CACNA1I: variants seen among roughly 807,000 people sequenced by gnomAD.
The protein encoded by CACNA1I is calcium voltage-gated channel subunit alpha1 I, also known as voltage-dependent T-type calcium channel subunit alpha-1I.
CACNA1I carries 74 observed loss-of-function variants against 201.6 expected under a neutral mutation model. The ratio of observed to expected loss-of-function variants is 0.37; its 90% confidence interval spans 0.30 to 0.45. The LOEUF is 0.45. Among genes scored for constraint, CACNA1I ranks in the 20% least tolerant of loss-of-function variants. The pLI, the probability that CACNA1I is intolerant of heterozygous loss-of-function variation, is 1.00. For missense variants in CACNA1I, 2,346 were observed against 3,138.1 expected (o/e 0.75, Z 6.03); for synonymous variants, 1,431 against 1,345.2 (o/e 1.06, Z -1.40).
Position 39,662,429 on chromosome 22 carries a change from C to G in CACNA1I, c.3366C>G (p.Ile1122Met). Residue 1122 changes from isoleucine (I) to methionine (M), a missense_variant, in exon 17 of 37, where the codon ATC (isoleucine) becomes ATG (methionine). Coordinates refer to ENST00000402142, the MANE Select transcript of CACNA1I (RefSeq NM_021096.4). Reference protein sequence around the residue: ...RGDRGEDEEEIDYTLCFRVRK... With the variant: ...RGDRGEDEEEMDYTLCFRVRK... ...ATCGCGGGGAGGATGAGGAGGAAAT[C>G]GACTACGTGAGTGGGGGCGGGGCCG... 1 of 1,443,336 alleles carries G rather than the reference C, an allele frequency of 6.9e-7. No individual in the cohort carries two copies. Among genetic ancestry groups the G allele is most frequent in the Non-Finnish European group, 9.0e-7 (1 of 1,107,700 alleles). 89.4% of individuals were successfully genotyped at this position (1,443,336 alleles called of 1,614,324 possible). A position where few individuals can be genotyped will look rare whatever the true frequency, so the allele number is the denominator to read the frequency against.
At chr22:39,623,613 G>T (rs1398160101) in intron 4 of CACNA1I, among the ~76,000 whole-genome samples, 1 of 148,216 alleles carries the variant, frequency 6.7e-6, no homozygotes, top group Non-Finnish European at 1.5e-5. Context: ...TGCCTGTGAG[G>T]GTGTGTGTGC....
chr22:39,663,716 A>AC lies in CACNA1I; in HGVS notation c.3474-2_3474-1insC. The AC allele has an allele frequency of 1.6e-6, 1 of 626,212 alleles. No homozygotes were observed. The highest frequency in any genetic ancestry group is 2.9e-6 in the Non-Finnish European group (1 of 348,972). The allele number at this position is 626,212 out of a possible 1,614,324, so 38.8% of individuals were successfully genotyped here. On this transcript the variant is annotated splice_acceptor_variant, in intron 18 of 36. Coordinates refer to ENST00000402142, the MANE Select transcript of CACNA1I (RefSeq NM_021096.4). LOFTEE classifies it high-confidence loss of function. ...CAGGCAGCCCCCGCCCACCCTGCCCAGGTTCCGGGTCCTGTGTCAGACCAT... is the reference window on the plus strand; with the variant it reads ...CAGGCAGCCCCCGCCCACCCTGCCCACGGTTCCGGGTCCTGTGTCAGACCAT...
intron 10 of CACNA1I, among the ~76,000 whole-genome samples, chr22:39,657,461 A>T (rs1053821514): frequency 6.6e-6 from 1 of 152,134 alleles, no homozygotes; most frequent in Non-Finnish European, 1.5e-5. Flanking sequence ...CCGTCCTTTC[A>T]TGGGGCACGA....
chr22:39,673,841 G>T, intron 28 of CACNA1I, 122 bp from the exon 29 acceptor site: 3 of 834,710 alleles, frequency 3.6e-6, no homozygotes, highest in Non-Finnish European at 5.7e-6. Flanking sequence ...CTGAGAGCCA[G>T]ACTCTGCTTG....
chr22:39,689,332 G>A lies in CACNA1I; in HGVS notation c.*2927G>A, dbSNP rs1335882328. 1 of 152,826 alleles carries A rather than the reference G, an allele frequency of 6.5e-6. No individual in the cohort carries two copies. The highest frequency in any genetic ancestry group is 1.5e-5 in the Non-Finnish European group (1 of 68,144). The allele number at this position is 152,826 out of a possible 1,614,324, so 9.5% of individuals were successfully genotyped here. ...ACAAAGTGTGTAAAGCCCGTCTGCTGTCTTCCCCCAAATCCTCAGCTCAGA... is the reference window on the plus strand; with the variant it reads ...ACAAAGTGTGTAAAGCCCGTCTGCTATCTTCCCCCAAATCCTCAGCTCAGA... On this transcript the variant is annotated 3_prime_UTR_variant, in exon 37 of 37. Transcript: ENST00000402142.
In CACNA1I at chr22:39,665,663, G is replaced by T; in HGVS notation, c.3978+39G>T. The T allele has an allele frequency of 6.2e-7, 1 of 1,603,494 alleles. No individual in the cohort carries two copies. Among genetic ancestry groups the T allele is most frequent in the South Asian group, 1.1e-5 (1 of 90,604 alleles). On this transcript the variant is annotated intron_variant, in intron 22 of 36. Coordinates refer to ENST00000402142, the MANE Select transcript of CACNA1I (RefSeq NM_021096.4). This position sits in a 1 kb window ranked among gnomAD's most constrained non-coding sequence, Gnocchi z 5.5. ...AGTCTGGGCAGGGACTGGGCTCTGTGACTGGGGAAAAGGAAGTCTCAGACA... is the reference window on the plus strand; with the variant it reads ...AGTCTGGGCAGGGACTGGGCTCTGTTACTGGGGAAAAGGAAGTCTCAGACA...
At chr22:39,586,753 C>T (rs1000394895) in intron 1 of CACNA1I, among the ~76,000 whole-genome samples, 7 of 152,148 alleles carry the variant, frequency 4.6e-5, no homozygotes, top group African/African-American at 1.7e-4. Context: ...AGACACGCGG[C>T]AGAGGACAGG....
chr22:39,656,779 A>G, intron 10 of CACNA1I: 2 of 518,980 alleles, frequency 3.9e-6, no homozygotes, highest in East Asian at 1.1e-4. Flanking sequence ...GCTCTGAACA[A>G]GTCATTCCCC....
At chr22:39,587,779 T>C (rs912086281) in intron 1 of CACNA1I, 4 of 437,914 alleles carry the variant, frequency 9.1e-6, no homozygotes, top group African/African-American at 8.2e-5. Context: ...TGATTTATAA[T>C]TATTATTATT....
rs1429047208 is a variant in CACNA1I at position 39,664,919 on chromosome 22, C to G, written c.3847C>G (p.Leu1283Val). The change falls in exon 21 of 37, where the codon CTG (leucine) becomes GTG (valine). Residue 1283 changes from leucine (L) to valine (V), a missense_variant. Around this residue, in one of 13 missense-constraint regions of CACNA1I, gnomAD observed 14 missense variants for 53.7 expected, o/e 0.26. Transcript: ENST00000402142. Reference sequence around the variant, plus strand: ...GCGGCTCCTGCGCACCCTACGCCCCCTGCGGTGAGGACCCCTCCTGGGCGG... The same window carrying G: ...GCGGCTCCTGCGCACCCTACGCCCCGTGCGGTGAGGACCCCTCCTGGGCGG... ...VLRLLRTLRP[L>V]RVISRAPGLK... 54 of 1,611,772 alleles carry G rather than the reference C, an allele frequency of 3.4e-5. No homozygotes were observed. Among genetic ancestry groups the G allele is most frequent in the Non-Finnish European group, 4.5e-5 (53 of 1,179,812 alleles).
At chr22:39,571,954 G>C (rs1010365340) in intron 1 of CACNA1I, among the ~76,000 whole-genome samples, 8 of 152,226 alleles carry the variant, frequency 5.3e-5, no homozygotes, top group Non-Finnish European at 1.0e-4. Context: ...TCCTCAATAA[G>C]GAAGAGCGTT....
At position 39,649,933 on chromosome 22, in the gene CACNA1I, C is replaced by T; in HGVS notation, c.1992+8C>T. ...ATCGAGCACCACGAGCAGGCCAGTG[C>T]AGCGCAGCCGGGCCGGGCCTGCGGG... On this transcript the variant is annotated splice_region_variant and intron_variant, in intron 10 of 36. Coordinates refer to ENST00000402142, the MANE Select transcript of CACNA1I (RefSeq NM_021096.4). The surrounding 1 kb of genome is among the most constrained non-coding windows in gnomAD (Gnocchi z 7.3). 1.9e-6 allele frequency: 3 copies of T among 1,612,930 alleles called. No individual in the cohort carries two copies. Among genetic ancestry groups the T allele is most frequent in the Non-Finnish European group, 2.5e-6 (3 of 1,179,660 alleles).
rs73424141 is a variant in CACNA1I, at chr22:39,621,858, G to A, written c.580+2451G>A. ...CCTTGGGCACAGGGAGGGGACATGC[G>A]GAGAGGCCATTTTAGGGCCAGCTTC... On this transcript the variant is annotated intron_variant, in intron 4 of 36. Transcript: ENST00000402142. Among the ~76,000 whole-genome samples the A allele has an allele frequency of 8.1e-3, 1,228 of 152,180 alleles. 12 individuals are homozygous for A. Among genetic ancestry groups the A allele is most frequent in the African/African-American group, 0.027 (1,133 of 41,504 alleles).
chr22:39,635,994 A>T (rs1934209005), intron 5 of CACNA1I, among the ~76,000 whole-genome samples: 1 of 150,602 alleles, frequency 6.6e-6, no homozygotes. Context: ...GGCCCCTGAA[A>T]TGTGAGTTCT....
chr22:39,679,061 C>G, intron 31 of CACNA1I, 46 bp from the exon 32 acceptor site: 2 of 1,461,130 alleles, frequency 1.4e-6, no homozygotes, highest in Non-Finnish European at 1.8e-6. Context: ...CCAGCAGCCT[C>G]TGGGATGTCT....
At chr22:39,608,522 T>G (rs1933288179) in intron 3 of CACNA1I, among the ~76,000 whole-genome samples, 1 of 151,960 alleles carries the variant, frequency 6.6e-6, no homozygotes, top group Non-Finnish European at 1.5e-5. Context: ...GGCTAGAGGG[T>G]GAGAAGGAGA....
rs568915350 is a variant in CACNA1I at position 39,684,822 on chromosome 22, C to G, written c.6027+324C>G. 2.2e-6 allele frequency: 1 copy of G among 449,468 alleles called. No homozygotes were observed. Among genetic ancestry groups the G allele is most frequent in the Middle Eastern group, 6.1e-4 (1 of 1,650 alleles). The allele number at this position is 449,468 out of a possible 1,614,324, so 27.8% of individuals were successfully genotyped here. On this transcript the variant is annotated intron_variant, in intron 36 of 36. Coordinates refer to ENST00000402142, the MANE Select transcript of CACNA1I (RefSeq NM_021096.4). This position sits in a 1 kb window ranked among gnomAD's most constrained non-coding sequence, Gnocchi z 4.6. ...GAGTACTGGAGGTTTTGCAGGGTGG[C>G]GGGGTGCTGGCAGTGGGGAGGACAC...
chr22:39,634,509 C>G (rs1022980312), intron 4 of CACNA1I, 56 bp from the exon 5 acceptor site: 3 of 1,566,356 alleles, frequency 1.9e-6, no homozygotes, highest in African/African-American at 2.7e-5. Context: ...CTCACTCTTT[C>G]GTCTCTGGGA....
chr22:39,658,087 A>G, intron 10 of CACNA1I, 65 bp from the exon 11 acceptor site: 2 of 1,566,394 alleles, frequency 1.3e-6, no homozygotes, highest in South Asian at 1.2e-5. Flanking sequence ...GTGGGTGTCC[A>G]GAGGGGATCC....
Sources: gnomAD v4.1 joint callset for allele counts (sites outside exome capture counted in the v4.1 genomes callset) on GRCh38, gnomAD v4.1.1 for gene constraint, gnomAD v4.1.1 regional missense constraint, Gnocchi (gnomAD v3.1) non-coding constraint, MANE v1.5 for transcripts, NCBI Gene and HGNC (gene_info 2026-07-23, HGNC 2026-07-21) for gene names.